Variants in ST7 observed in about 807,000 individuals in gnomAD.
The protein encoded by ST7 is suppression of tumorigenicity 7.
Under a neutral mutation model 78.7 loss-of-function variants are expected in ST7, and 28 were observed. That is an observed-to-expected ratio of 0.36 (90% CI 0.26 to 0.49). The LOEUF (loss-of-function observed/expected upper bound fraction) is 0.49, where lower values mean the gene tolerates loss of function less well. Ranked by LOEUF, ST7 falls within the 20% of genes least tolerant of loss-of-function variation. The probability of loss-of-function intolerance (pLI) is 0.99; values close to 1 mark genes in which losing one functional copy is unlikely to be tolerated. For missense variants in ST7, 418 were observed against 696.0 expected (o/e 0.60, Z 4.49); for synonymous variants, 247 against 249.6 (o/e 0.99, Z 0.10).
chr7:117,080,126 G>A (rs997737485), intron 1 of ST7, among the ~76,000 whole-genome samples: 9 of 150,486 alleles, frequency 6.0e-5, no homozygotes, highest in Non-Finnish European at 7.4e-5. Context: ...GACTACAGGC[G>A]CCCGCCACTA....
intron 1 of ST7, among the ~76,000 whole-genome samples, chr7:117,089,247 A>G (rs1353743625): frequency 2.0e-5 from 3 of 152,204 alleles, no homozygotes; most frequent in Admixed American, 6.5e-5. Context: ...GAGGATAAGA[A>G]CTATGTATAT....
At chr7:116,968,283 CCCTCCCTCCCTCCTT>C (rs1793235002) in intron 1 of ST7, 1 of 12,852 alleles carries the variant, frequency 7.8e-5, no homozygotes, top group African/African-American at 2.4e-4. Context: ...CTCCCTCCCT[CCCTCCCTCCCTCCTT>C]CCTTCCTTCC....
At chr7:117,208,400 T>C (rs1210699342) in intron 12 of ST7, among the ~76,000 whole-genome samples, 1 of 152,192 alleles carries the variant, frequency 6.6e-6, no homozygotes, top group Non-Finnish European at 1.5e-5. Flanking sequence ...ATCAGTGTCC[T>C]CCTGCTGCTC....
chr7:117,050,546 T>A (rs901794615), intron 1 of ST7, among the ~76,000 whole-genome samples: 1 of 152,266 alleles, frequency 6.6e-6, no homozygotes, highest in African/African-American at 2.4e-5. Context: ...TTTAACTTTT[T>A]ATAATTTGTG....
At chr7:117,137,486 T>G (rs943030952) in intron 8 of ST7, 3 of 152,154 alleles carry the variant, frequency 2.0e-5, no homozygotes, top group Admixed American at 6.6e-5. Context: ...ATTTTCTTTC[T>G]TTTCTTCTCT....
At chr7:117,068,222 T>C (rs925829747) in intron 1 of ST7, among the ~76,000 whole-genome samples, 4 of 152,164 alleles carry the variant, frequency 2.6e-5, no homozygotes, top group Non-Finnish European at 5.9e-5. Flanking sequence ...ATGAATCATA[T>C]ATTTTTCTTT....
chr7:117,098,894 G>T (rs749797001), intron 1 of ST7: 1 of 1,202,356 alleles, frequency 8.3e-7, no homozygotes, highest in African/African-American at 1.6e-5. Flanking sequence ...TAAAATATAT[G>T]TATAAAATAC....
chr7:117,082,907 C>T (rs774654507), intron 1 of ST7, among the ~76,000 whole-genome samples: 1 of 152,194 alleles, frequency 6.6e-6, no homozygotes, highest in Non-Finnish European at 1.5e-5. Context: ...TTTCCTATCC[C>T]TGATGTAGAC....
chr7:117,189,787 A>G (rs946177383), intron 11 of ST7, among the ~76,000 whole-genome samples: 1 of 152,164 alleles, frequency 6.6e-6, no homozygotes, highest in Non-Finnish European at 1.5e-5. Flanking sequence ...GGCAGACAGG[A>G]TGGTCATCTC....
intron 1 of ST7, 90 bp downstream of exon 1, chr7:116,953,781 G>T: frequency 1.1e-6 from 1 of 934,652 alleles, no homozygotes. Flanking sequence ...CCAGGCGCGC[G>T]CTCGGGGACG....
intron 1 of ST7, among the ~76,000 whole-genome samples, chr7:117,054,276 G>A (rs1486343502): frequency 6.6e-6 from 1 of 152,212 alleles, no homozygotes; most frequent in African/African-American, 2.4e-5. Context: ...AAAGAACACA[G>A]CCAGTGAAGT....
intron 1 of ST7, among the ~76,000 whole-genome samples, chr7:117,093,743 G>T (rs898016608): frequency 6.6e-6 from 1 of 152,084 alleles, no homozygotes; most frequent in African/African-American, 2.4e-5. Flanking sequence ...AAGAAAAACA[G>T]CCGTCATAAT....
Position 117,031,267 on chromosome 7 carries a change from G to A in ST7, c.152-68495G>A, listed in dbSNP as rs192806595. On this transcript the variant is annotated intron_variant, in intron 1 of 15. Transcript: ENST00000323984. ...TTTGGGTACTGCGCTTATTACTGAG[G>A]TGACAAAATAATCTGTACATCAAAC... 2.8e-3 allele frequency among the ~76,000 whole-genome samples: 424 copies of A among 151,086 alleles called. 1 individual carries two copies. Among genetic ancestry groups the A allele is most frequent in the Non-Finnish European group, 4.6e-3 (309 of 67,764 alleles).
At chr7:116,997,143 G>A (rs987679379) in intron 1 of ST7, among the ~76,000 whole-genome samples, 3 of 152,212 alleles carry the variant, frequency 2.0e-5, no homozygotes, top group Non-Finnish European at 4.4e-5. Context: ...TGGCTCAGGA[G>A]TGAAACTGCA....
intron 1 of ST7, among the ~76,000 whole-genome samples, chr7:117,026,235 T>C (rs1416221161): frequency 6.6e-6 from 1 of 152,230 alleles, no homozygotes. Flanking sequence ...TAATAGTCAC[T>C]GCATTAATTT....
Position 117,105,505 on chromosome 7 carries a change from T to C in ST7, c.234+5661T>C, listed in dbSNP as rs112401639. Reference sequence around the variant, plus strand: ...CTATATTGCCCAGGCTGGTGTTGAATTCCTGGGCTCAAGCAATACTCTTCC... The same window carrying C: ...CTATATTGCCCAGGCTGGTGTTGAACTCCTGGGCTCAAGCAATACTCTTCC... On this transcript the variant is annotated intron_variant, in intron 2 of 15. Coordinates refer to ENST00000323984, the MANE Select transcript of ST7 (RefSeq NM_001369598.1). 2.8e-3 allele frequency among the ~76,000 whole-genome samples: 421 copies of C among 152,258 alleles called. 1 individual carries two copies. The highest frequency in any genetic ancestry group is 9.4e-3 in the African/African-American group (389 of 41,548).
intron 14 of ST7, among the ~76,000 whole-genome samples, chr7:117,220,315 C>G (rs1005409957): frequency 6.6e-6 from 1 of 152,134 alleles, no homozygotes; most frequent in Non-Finnish European, 1.5e-5. Context: ...TGGGAGATCC[C>G]CGTGATGTGT....
chr7:117,197,231 C>G (rs1439351853), intron 12 of ST7, among the ~76,000 whole-genome samples: 1 of 152,166 alleles, frequency 6.6e-6, no homozygotes. Flanking sequence ...GAGACGAAGT[C>G]TCTGTTGCCC....
intron 1 of ST7, among the ~76,000 whole-genome samples, chr7:116,971,406 C>T (rs1465244228): frequency 2.0e-5 from 3 of 151,932 alleles, no homozygotes; most frequent in Non-Finnish European, 4.4e-5. Context: ...TAAGTGGTCA[C>T]CTCAACATAA....
Sources: allele counts gnomAD v4.1 joint callset (sites outside exome capture counted in the v4.1 genomes callset), GRCh38; gene constraint gnomAD v4.1.1; transcripts MANE v1.5; gene names NCBI Gene and HGNC (gene_info 2026-07-23, HGNC 2026-07-21).